Variants in PTPRM observed in about 807,000 individuals in gnomAD.
The protein encoded by PTPRM is protein tyrosine phosphatase receptor type M.
A neutral mutation model predicts 186.7 loss-of-function variants in PTPRM; 47 were observed. The ratio of observed to expected loss-of-function variants is 0.25; its 90% confidence interval spans 0.20 to 0.32. PTPRM has a LOEUF of 0.32. Among genes scored for constraint, PTPRM ranks in the 10% least tolerant of loss-of-function variants. The probability of loss-of-function intolerance (pLI) is 1.00; values close to 1 mark genes in which losing one functional copy is unlikely to be tolerated. For synonymous variants in PTPRM, 668 were observed against 674.9 expected, an observed-to-expected ratio of 0.99 and a Z score of 0.16; for missense variants, 1,494 against 1,865.0, an observed-to-expected ratio of 0.80 and a Z score of 3.66.
chr18:7,821,980 C>T (rs928928364), intron 2 of PTPRM, among the ~76,000 whole-genome samples: 2 of 152,182 alleles, frequency 1.3e-5, no homozygotes, highest in South Asian at 4.1e-4. Context: ...GGGTAACTGA[C>T]ACCATGGAAA....
chr18:7,862,075 TG>T (rs1382646746), intron 2 of PTPRM, among the ~76,000 whole-genome samples: 1 of 152,216 alleles, frequency 6.6e-6, no homozygotes, highest in Non-Finnish European at 1.5e-5. Context: ...TGTACACCTT[TG>T]GCAGCCTGGT....
chr18:7,577,318 C>A (rs1042957869), intron 1 of PTPRM, among the ~76,000 whole-genome samples: 2 of 152,042 alleles, frequency 1.3e-5, no homozygotes, highest in Admixed American at 1.3e-4. Context: ...TATAAAGTAG[C>A]ATTTTGATAT....
At chr18:7,996,696 G>A (rs1432747798) in intron 7 of PTPRM, among the ~76,000 whole-genome samples, 1 of 151,852 alleles carries the variant, frequency 6.6e-6, no homozygotes, top group Non-Finnish European at 1.5e-5. Context: ...TAATGATGCA[G>A]GGTACAATAT....
chr18:7,834,491 T>TACACACACACACATACACACACACAC (rs1555613393), intron 2 of PTPRM, among the ~76,000 whole-genome samples: 3 of 84,602 alleles, frequency 3.5e-5, no homozygotes, highest in Non-Finnish European at 7.0e-5. Context: ...TATACAAGTA[T>TACACACACACACATACACACACACAC]ACACACACAC....
intron 2 of PTPRM, among the ~76,000 whole-genome samples, chr18:7,823,504 A>C (rs1335387918): frequency 3.9e-5 from 6 of 152,218 alleles, no homozygotes; most frequent in Non-Finnish European, 7.4e-5. Flanking sequence ...GGTGCTGCCA[A>C]AGGAGATTAA....
chr18:7,778,349 G>A (rs2042691203), intron 2 of PTPRM, among the ~76,000 whole-genome samples: 1 of 151,944 alleles, frequency 6.6e-6, no homozygotes. Flanking sequence ...GAGTCATCAC[G>A]GTTTTCTTGG....
At chr18:8,373,422 T>C (rs1413738958) in intron 24 of PTPRM, among the ~76,000 whole-genome samples, 1 of 152,192 alleles carries the variant, frequency 6.6e-6, no homozygotes, top group Admixed American at 6.5e-5. Context: ...GATTCCAAGC[T>C]AAACAGATTT....
At chr18:7,898,866 A>G (rs1237664411) in intron 3 of PTPRM, among the ~76,000 whole-genome samples, 1 of 152,220 alleles carries the variant, frequency 6.6e-6, no homozygotes, top group Non-Finnish European at 1.5e-5. Context: ...TACAGAGAAC[A>G]CTGAATTAGT....
At chr18:7,626,690 T>G (rs2038070432) in intron 1 of PTPRM, among the ~76,000 whole-genome samples, 1 of 152,076 alleles carries the variant, frequency 6.6e-6, no homozygotes, top group Admixed American at 6.6e-5. Flanking sequence ...TGGGGTTATC[T>G]GGGTTATTTA....
At position 8,054,643 on chromosome 18, in the gene PTPRM, C is replaced by G. The variant is rs376902534; in HGVS notation, c.1133-15043C>G. The stretch of plus-strand genomic sequence containing the variant: ...GAGCATTGCCCTACCTGTGTGTATG[C>G]TCTTGTTGTCGGCAGTCTAATTCTG... On this transcript the variant is annotated intron_variant, in intron 7 of 32. Transcript: ENST00000580170. 1.1e-4 allele frequency among the ~76,000 whole-genome samples: 17 copies of G among 152,042 alleles called. No homozygotes were observed. The East Asian group carries it at 2.7e-3, about 24-fold the overall frequency.
At chr18:7,820,460 A>G (rs2045123569) in intron 2 of PTPRM, among the ~76,000 whole-genome samples, 1 of 152,188 alleles carries the variant, frequency 6.6e-6, no homozygotes, top group African/African-American at 2.4e-5. Flanking sequence ...TTCACTTTAC[A>G]CAAACTTGCT....
intron 1 of PTPRM, among the ~76,000 whole-genome samples, chr18:7,665,281 G>A (rs2039070194): frequency 6.6e-6 from 1 of 152,168 alleles, no homozygotes; most frequent in Non-Finnish European, 1.5e-5. Flanking sequence ...GTGTGTGCAT[G>A]CATGTTTACC....
chr18:7,990,851 G>A lies in PTPRM; in HGVS notation c.1132+35437G>A, dbSNP rs1163805013. Among the ~76,000 whole-genome samples the A allele has an allele frequency of 3.9e-5, 6 of 152,164 alleles. No individual in the cohort carries two copies. The East Asian group carries it at 1.2e-3, about 29-fold the overall frequency. ...GGGGCCTGGGGGACGGGGGATGGGT[G>A]GATTGCAGGAAGCTTGTCTCAGTGT... On this transcript the variant is annotated intron_variant, in intron 7 of 32. Coordinates refer to ENST00000580170, the MANE Select transcript of PTPRM (RefSeq NM_001105244.2).
intron 5 of PTPRM, among the ~76,000 whole-genome samples, chr18:7,930,790 A>G (rs1223077158): frequency 2.0e-5 from 3 of 152,162 alleles, no homozygotes; most frequent in East Asian, 1.9e-4. Context: ...TTTTTTAAAT[A>G]TAGATTAAAT....
rs905622345 is a variant in PTPRM, at chr18:7,568,512, C to A, written c.73+621C>A. ...GGGGGGAGTTCCTCGCCGGTCCCAG[C>A]GGTAGGGCTTGGCGGCCGCGGAGGG... On this transcript the variant is annotated intron_variant, in intron 1 of 32. Coordinates refer to ENST00000580170, the MANE Select transcript of PTPRM (RefSeq NM_001105244.2). This position sits in a 1 kb window ranked among gnomAD's most constrained non-coding sequence, Gnocchi z 5.1. 3.3e-5 allele frequency among the ~76,000 whole-genome samples: 5 copies of A among 152,120 alleles called. No individual in the cohort carries two copies. The highest frequency in any genetic ancestry group is 1.2e-4 in the African/African-American group (5 of 41,452).
At chr18:8,134,594 A>T (rs765700661) in intron 13 of PTPRM, among the ~76,000 whole-genome samples, 72 of 152,246 alleles carry the variant, frequency 4.7e-4, no homozygotes, top group South Asian at 2.9e-3. Flanking sequence ...CATTACTCTC[A>T]TACATTTCAG....
chr18:7,653,308 G>A (rs1316113041), intron 1 of PTPRM, among the ~76,000 whole-genome samples: 3 of 151,800 alleles, frequency 2.0e-5, no homozygotes, highest in African/African-American at 7.3e-5. Context: ...CACCACACTT[G>A]GCTAATTTTG....
At position 7,672,915 on chromosome 18, in the gene PTPRM, A is replaced by G. The variant is rs375168840; in HGVS notation, c.74-101234A>G. Among the ~76,000 whole-genome samples, 8 of 152,288 alleles carry G rather than the reference A, an allele frequency of 5.3e-5. No individual in the cohort carries two copies. The East Asian group carries it at 1.5e-3, about 29-fold the overall frequency. ...GCACACCTGCGTGCACACCTAGGCC[A>G]CCATCGTGACTGAGTGCCATCTTAA... is the stretch of plus-strand genomic sequence containing the variant. On this transcript the variant is annotated intron_variant, in intron 1 of 32. Coordinates refer to ENST00000580170, the MANE Select transcript of PTPRM (RefSeq NM_001105244.2).
At chr18:7,880,527 G>C (rs1353446168) in intron 2 of PTPRM, among the ~76,000 whole-genome samples, 3 of 152,196 alleles carry the variant, frequency 2.0e-5, no homozygotes. Context: ...AGAAGAGGCA[G>C]TAGCTTAGGA....
Sources: allele counts gnomAD v4.1 joint callset (sites outside exome capture counted in the v4.1 genomes callset), GRCh38; gene constraint gnomAD v4.1.1; non-coding constraint Gnocchi (gnomAD v3.1); transcripts MANE v1.5; gene names NCBI Gene and HGNC (gene_info 2026-07-23, HGNC 2026-07-21).